The following RGS8 variants were observed in gnomAD, a reference collection of about 807,000 sequenced individuals.
The protein encoded by RGS8 is regulator of G-protein signaling 8.
In RGS8, 8 loss-of-function variants were observed where a neutral mutation model predicts 21.7. The ratio of observed to expected loss-of-function variants is 0.37; its 90% CI spans 0.22 to 0.66. RGS8 has a LOEUF of 0.66. RGS8 is among the 30% of genes least tolerant of loss of function. RGS8 has a pLI of 0.59. For missense variants in RGS8, 157 were observed against 217.9 expected (o/e 0.72, Z 1.76); for synonymous variants, 80 against 83.6 (o/e 0.96, Z 0.24).
chr1:182,662,222 AG>A (rs1663627827), intron 5 of RGS8, among the ~76,000 whole-genome samples: 1 of 152,180 alleles, frequency 6.6e-6, no homozygotes, highest in South Asian at 2.1e-4. Context: ...CAAGGAGAGG[AG>A]AAGCTTTTTA....
At chr1:182,675,227 A>G (rs1664316377), upstream of RGS8, among the ~76,000 whole-genome samples, 1 of 152,054 alleles carries the variant, frequency 6.6e-6, no homozygotes. Context: ...CCTAACCCCA[A>G]CAAGTACAGA....
chr1:182,708,992 G>A, the RGS8 span, among the ~76,000 whole-genome samples: 1 of 152,216 alleles, frequency 6.6e-6, no homozygotes, highest in African/African-American at 2.4e-5. Flanking sequence ...AGGAACAGCA[G>A]CCTGACGAAA....
chr1:182,749,110 TC>T, the RGS8 span, among the ~76,000 whole-genome samples: 1 of 152,222 alleles, frequency 6.6e-6, no homozygotes, highest in African/African-American at 2.4e-5. Flanking sequence ...ATCCCATTTG[TC>T]TACTTTTACA....
the RGS8 span, among the ~76,000 whole-genome samples, chr1:182,727,662 A>T: frequency 0.016 from 2,434 of 152,164 alleles, 60 homozygotes; most frequent in African/African-American, 0.054. Context: ...GAATTATGTC[A>T]TCTATTCTGT....
intron 5 of RGS8, among the ~76,000 whole-genome samples, chr1:182,662,513 T>G (rs1663640660): frequency 6.6e-6 from 1 of 152,208 alleles, no homozygotes; most frequent in African/African-American, 2.4e-5. Context: ...TGGGTCAAAA[T>G]CGAGAACACA....
intron 5 of RGS8, among the ~76,000 whole-genome samples, chr1:182,661,432 GA>G (rs1663581599): frequency 6.6e-6 from 1 of 151,928 alleles, no homozygotes; most frequent in Admixed American, 6.6e-5. Context: ...AAAGGTGAGG[GA>G]ACCCTGCCTT....
At chr1:182,643,325 C>T (rs989841853), downstream of RGS8, 6 of 103,754 alleles carry the variant, frequency 5.8e-5, no homozygotes, top group Middle Eastern at 4.0e-3. Flanking sequence ...CTCCCCCAGC[C>T]CCCCCGCCCC....
At chr1:182,693,089 C>G in the RGS8 span, among the ~76,000 whole-genome samples, 476 of 152,264 alleles carry the variant, frequency 3.1e-3, 5 homozygotes, top group South Asian at 0.021. Flanking sequence ...ATGGGGAAGA[C>G]TCCAAAAGCA....
chr1:182,645,453 G>A (rs1441720819), downstream of RGS8: 1 of 152,202 alleles, frequency 6.6e-6, no homozygotes, highest in Non-Finnish European at 1.5e-5. Context: ...TAGGTTCCAG[G>A]CTGCTCACTC....
the RGS8 span, among the ~76,000 whole-genome samples, chr1:182,709,380 A>G: frequency 6.6e-6 from 1 of 152,192 alleles, no homozygotes; most frequent in Non-Finnish European, 1.5e-5. Context: ...ACACACACAC[A>G]CATCCTTTCC....
At chr1:182,719,736 A>G in the RGS8 span, among the ~76,000 whole-genome samples, 1 of 150,832 alleles carries the variant, frequency 6.6e-6, no homozygotes, top group Non-Finnish European at 1.5e-5. Flanking sequence ...ACTATTTTTC[A>G]TTTACATAGA....
chr1:182,648,224 C>G, exon 6 of RGS8: 1 of 1,613,796 alleles, frequency 6.2e-7, no homozygotes, highest in Non-Finnish European at 8.5e-7. Flanking sequence ...TCTTCTTGAA[C>G]TCCTCACAGG....
the RGS8 span, among the ~76,000 whole-genome samples, chr1:182,750,791 A>G: frequency 6.6e-6 from 1 of 152,008 alleles, no homozygotes; most frequent in Non-Finnish European, 1.5e-5. Context: ...TAGACTAGAT[A>G]CTATCTAGAC....
chr1:182,670,957 G>A (rs1390687132), intron 2 of RGS8, among the ~76,000 whole-genome samples: 2 of 152,162 alleles, frequency 1.3e-5, no homozygotes, highest in African/African-American at 4.8e-5. Flanking sequence ...GCCTCTTGCT[G>A]TGGGATATGG....
the RGS8 span, among the ~76,000 whole-genome samples, chr1:182,709,333 C>T: frequency 0.014 from 2,161 of 152,238 alleles, 60 homozygotes; most frequent in African/African-American, 0.049. Context: ...CTATGAAGTG[C>T]ACACACACAT....
chr1:182,704,897 A>C, the RGS8 span, among the ~76,000 whole-genome samples: 1 of 152,216 alleles, frequency 6.6e-6, no homozygotes, highest in African/African-American at 2.4e-5. Flanking sequence ...ACACGTGCCC[A>C]TCTGTGCACA....
At chr1:182,673,428 C>A (rs944142291), upstream of RGS8, among the ~76,000 whole-genome samples, 2 of 152,008 alleles carry the variant, frequency 1.3e-5, no homozygotes, top group African/African-American at 4.8e-5. Context: ...AGTCTTATGA[C>A]TCTAACAGCA....
the RGS8 span, among the ~76,000 whole-genome samples, chr1:182,698,300 G>A: frequency 6.6e-6 from 1 of 152,320 alleles, no homozygotes; most frequent in East Asian, 1.9e-4. Context: ...GTCCATCATA[G>A]TAGTTAAGCA....
At chr1:182,746,282 A>G in the RGS8 span, among the ~76,000 whole-genome samples, 3 of 152,216 alleles carry the variant, frequency 2.0e-5, no homozygotes, top group African/African-American at 7.2e-5. Context: ...TGTTTCCAAT[A>G]AAAAAGAGAC....
Sources: gnomAD v4.1 joint callset for allele counts (sites outside exome capture counted in the v4.1 genomes callset) on GRCh38, gnomAD v4.1.1 for gene constraint, MANE v1.5 for transcripts, NCBI Gene and HGNC (gene_info 2026-07-23, HGNC 2026-07-21) for gene names.